Variants in FBXL13 observed in about 807,000 individuals in gnomAD.
The protein encoded by FBXL13 is F-box and leucine-rich repeat protein 13.
In FBXL13, 67 loss-of-function variants were observed where a neutral mutation model predicts 83.6. The ratio of observed to expected loss-of-function variants is 0.80; its 90% CI spans 0.66 to 0.98. FBXL13 has a LOEUF of 0.98. FBXL13 is among the 50% of genes least tolerant of loss of function. The pLI is 0.00. For missense variants in FBXL13, 822 were observed against 866.5 expected, an observed-to-expected ratio of 0.95 and a Z score of 0.64; for synonymous variants, 272 against 299.5, an observed-to-expected ratio of 0.91 and a Z score of 0.95.
At chr7:102,875,220 C>T (rs921914961) in intron 16 of FBXL13, among the ~76,000 whole-genome samples, 2 of 152,106 alleles carry the variant, frequency 1.3e-5, no homozygotes, top group African/African-American at 4.8e-5. Context: ...CCCTGAAAGA[C>T]TTGGGGCATA....
chr7:102,911,460 T>C (rs561648072), intron 11 of FBXL13, among the ~76,000 whole-genome samples: 1 of 152,336 alleles, frequency 6.6e-6, no homozygotes, highest in South Asian at 2.1e-4. Context: ...AAGTTGTTCC[T>C]GAGTTTGCAA....
Position 102,916,988 on chromosome 7 carries a change from A to G in FBXL13, c.879-3773T>C, listed in dbSNP as rs1168842240. Among the ~76,000 whole-genome samples, 3 of 152,228 alleles carry G rather than the reference A, an allele frequency of 2.0e-5. No homozygotes were observed. The East Asian group carries it at 5.8e-4, about 29-fold the overall frequency. The stretch of plus-strand genomic sequence containing the variant: ...CCTGAAGGACTTACTACTAAGATGA[A>G]TGGAAAAGTATGTATTTAAATAAAA... On this transcript the variant is annotated intron_variant, in intron 10 of 19. Coordinates refer to ENST00000313221, the Ensembl canonical transcript of FBXL13.
intron 6 of FBXL13, among the ~76,000 whole-genome samples, chr7:103,004,817 C>T (rs1381489694): frequency 4.6e-5 from 7 of 152,158 alleles, no homozygotes; most frequent in Non-Finnish European, 1.0e-4. Flanking sequence ...TTCTGGGATA[C>T]TGATGGTGAT....
chr7:102,993,803 T>C (rs1829825145), intron 6 of FBXL13, among the ~76,000 whole-genome samples: 1 of 152,338 alleles, frequency 6.6e-6, no homozygotes, highest in South Asian at 2.1e-4. Flanking sequence ...TTGATGTAAC[T>C]GAACCTAAAA....
intron 6 of FBXL13, among the ~76,000 whole-genome samples, chr7:103,009,350 C>T (rs575880548): frequency 6.6e-6 from 1 of 152,228 alleles, no homozygotes; most frequent in South Asian, 2.1e-4. Flanking sequence ...AGCAGGGGAA[C>T]ACAGATTGCA....
At position 103,025,055 on chromosome 7, in the gene FBXL13, A is replaced by G; in HGVS notation, c.495+8T>C. The G allele has an allele frequency of 6.2e-7, 1 of 1,603,450 alleles. No homozygotes were observed. Among genetic ancestry groups the G allele is most frequent in the African/African-American group, 1.3e-5 (1 of 74,504 alleles). ...ATAGTATATAATGTATACTGAATTC[A>G]TACAAACCTGTAATATTGCTCTTTC... On this transcript the variant is annotated splice_region_variant and intron_variant, in intron 6 of 19. Transcript: ENST00000313221.
intron 16 of FBXL13, among the ~76,000 whole-genome samples, chr7:102,861,370 T>G (rs1806809973): frequency 6.6e-6 from 1 of 152,098 alleles, no homozygotes; most frequent in South Asian, 2.1e-4. Context: ...ATGTCTCACA[T>G]TCTGGATTTT....
intron 7 of FBXL13, among the ~76,000 whole-genome samples, chr7:102,967,335 C>T (rs1029999519): frequency 1.6e-4 from 24 of 147,876 alleles, no homozygotes; most frequent in Non-Finnish European, 2.7e-4. Flanking sequence ...TGCAGTGGCA[C>T]GGTCTCAGCT....
At chr7:102,826,860 C>A (rs1799825419) in intron 18 of FBXL13, among the ~76,000 whole-genome samples, 1 of 140,866 alleles carries the variant, frequency 7.1e-6, no homozygotes, top group East Asian at 2.0e-4. Flanking sequence ...TATATATTTC[C>A]AAGAGAGGGA....
intron 17 of FBXL13, among the ~76,000 whole-genome samples, chr7:102,851,089 G>A (rs1805139739): frequency 6.6e-6 from 1 of 152,008 alleles, no homozygotes; most frequent in Non-Finnish European, 1.5e-5. Flanking sequence ...TAAGACTTTG[G>A]GCCAGTCATT....
chr7:102,944,633 A>C, intron 8 of FBXL13: 1 of 1,553,104 alleles, frequency 6.4e-7, no homozygotes, highest in Non-Finnish European at 8.7e-7. Flanking sequence ...GATTGTAATT[A>C]GTTTTGTATT....
chr7:102,952,571 T>C (rs1443840528), intron 8 of FBXL13, among the ~76,000 whole-genome samples: 1 of 152,128 alleles, frequency 6.6e-6, no homozygotes, highest in African/African-American at 2.4e-5. Flanking sequence ...ACAAATTAGA[T>C]AAACTGCATG....
chr7:102,934,185 A>G, intron 8 of FBXL13: 1 of 1,614,254 alleles, frequency 6.2e-7, no homozygotes, highest in Non-Finnish European at 8.5e-7. Context: ...CTAGCAAGAA[A>G]CAAGATCCGC....
intron 6 of FBXL13, among the ~76,000 whole-genome samples, chr7:103,003,957 G>A (rs920641581): frequency 6.6e-6 from 1 of 152,134 alleles, no homozygotes; most frequent in African/African-American, 2.4e-5. Context: ...AATTGCTTTT[G>A]TGTGTTATCT....
At chr7:102,948,515 C>T (rs140297325) in intron 8 of FBXL13, among the ~76,000 whole-genome samples, 4,226 of 151,268 alleles carry the variant, frequency 0.028, 74 homozygotes, top group Non-Finnish European at 0.043. Context: ...CTTCCACCTT[C>T]CGGGTTCAAG....
intron 10 of FBXL13, among the ~76,000 whole-genome samples, chr7:102,926,015 G>T (rs1424740492): frequency 5.9e-5 from 9 of 151,900 alleles, no homozygotes; most frequent in Non-Finnish European, 1.0e-4. Context: ...GCCCAGAATG[G>T]GGGACCAGAA....
intron 2 of FBXL13, among the ~76,000 whole-genome samples, chr7:103,051,856 T>C (rs1243464786): frequency 6.6e-6 from 1 of 152,212 alleles, no homozygotes; most frequent in Admixed American, 6.5e-5. Flanking sequence ...CTCAGTAGTG[T>C]ATGAATGGTT....
At chr7:103,073,818 C>G (rs976032075) in intron 1 of FBXL13, among the ~76,000 whole-genome samples, 2 of 152,114 alleles carry the variant, frequency 1.3e-5, no homozygotes, top group Admixed American at 6.6e-5. Flanking sequence ...AGCGTTACTA[C>G]CCTCAGGTAG....
intron 10 of FBXL13, among the ~76,000 whole-genome samples, chr7:102,925,940 CA>C (rs66682276): frequency 0.71 from 71,887 of 100,882 alleles, 24,049 homozygotes; most frequent in Middle Eastern, 0.85. Context: ...GACTCTGTCT[CA>C]AAAAAAAAAA....
Sources: allele counts gnomAD v4.1 joint callset (sites outside exome capture counted in the v4.1 genomes callset), GRCh38; gene constraint gnomAD v4.1.1; transcripts MANE v1.5; gene names NCBI Gene and HGNC (gene_info 2026-07-23, HGNC 2026-07-21).